NDST3: variants seen among roughly 807,000 people sequenced by gnomAD.
NDST3 encodes the protein N-deacetylase and N-sulfotransferase 3, also known as bifunctional heparan sulfate N-deacetylase/N-sulfotransferase 3.
Under a neutral mutation model 96.1 loss-of-function variants are expected in NDST3, and 58 were observed. That is an observed-to-expected ratio of 0.60 (90% CI 0.49 to 0.75). The LOEUF (loss-of-function observed/expected upper bound fraction) is 0.75, where lower values mean the gene tolerates loss of function less well. Among genes scored for constraint, NDST3 ranks in the 30% least tolerant of loss-of-function variants. NDST3 has a pLI of 0.00. For synonymous variants in NDST3, 333 were observed against 359.7 expected, an observed-to-expected ratio of 0.93 and a Z score of 0.84; for missense variants, 788 against 1,034.2, an observed-to-expected ratio of 0.76 and a Z score of 3.27.
intron 6 of NDST3, among the ~76,000 whole-genome samples, chr4:118,189,860 T>C (rs1376275968): frequency 6.6e-6 from 1 of 152,158 alleles, no homozygotes; most frequent in Admixed American, 6.5e-5. Flanking sequence ...AAGCTAATTG[T>C]AATAAAACTT....
At chr4:118,209,677 A>C (rs992729135) in intron 6 of NDST3, among the ~76,000 whole-genome samples, 1 of 152,212 alleles carries the variant, frequency 6.6e-6, no homozygotes, top group African/African-American at 2.4e-5. Context: ...CTCCAAGCTA[A>C]ATTGCTTTAA....
At chr4:118,176,054 A>C (rs1181499547) in intron 6 of NDST3, among the ~76,000 whole-genome samples, 1 of 152,126 alleles carries the variant, frequency 6.6e-6, no homozygotes, top group Non-Finnish European at 1.5e-5. Context: ...TATTAGCTTT[A>C]GTAAAAAGTT....
At chr4:118,250,554 G>A (rs1017046724) in intron 12 of NDST3, among the ~76,000 whole-genome samples, 3 of 150,826 alleles carry the variant, frequency 2.0e-5, no homozygotes, top group Non-Finnish European at 2.9e-5. Context: ...GCACAAACTC[G>A]GCTCACCGCA....
At chr4:118,165,396 G>C (rs527713552) in intron 6 of NDST3, among the ~76,000 whole-genome samples, 2 of 151,638 alleles carry the variant, frequency 1.3e-5, no homozygotes, top group Admixed American at 1.3e-4. Context: ...AAATATAAAC[G>C]CATGCAAATT....
intron 6 of NDST3, among the ~76,000 whole-genome samples, chr4:118,155,251 T>A (rs559496947): frequency 6.6e-6 from 1 of 152,210 alleles, no homozygotes; most frequent in Non-Finnish European, 1.5e-5. Flanking sequence ...TTTAATATCA[T>A]TTAGTTATAA....
intron 6 of NDST3, among the ~76,000 whole-genome samples, chr4:118,157,701 C>A (rs72909175): frequency 0.16 from 24,417 of 152,054 alleles, 2,097 homozygotes; most frequent in South Asian, 0.23. Context: ...GGATTGCAGG[C>A]ATGAGCCACC....
intron 1 of NDST3, among the ~76,000 whole-genome samples, chr4:118,037,476 C>T (rs1451027835): frequency 6.6e-6 from 1 of 152,172 alleles, no homozygotes; most frequent in African/African-American, 2.4e-5. Flanking sequence ...AGCTGGTATG[C>T]AGTTTGAGTC....
chr4:118,075,355 A>G (rs965468502), intron 2 of NDST3, among the ~76,000 whole-genome samples: 8 of 152,152 alleles, frequency 5.3e-5, no homozygotes, highest in African/African-American at 1.9e-4. Flanking sequence ...GCCACAGTAA[A>G]CATACATGTG....
At position 118,143,668 on chromosome 4, in the gene NDST3, C is replaced by T; in HGVS notation, c.1523C>T (p.Thr508Ile). 2 of 1,601,744 alleles carry T rather than the reference C, an allele frequency of 1.2e-6. No homozygotes were observed. Residue 508 changes from threonine to isoleucine, a missense_variant, in exon 6 of 14, where the codon ACT becomes ATT. Thr to Ile is a moderately conservative substitution (Grantham distance 89). This residue lies in a region of NDST3 where 490 missense variants were observed against 708.8 expected (regional missense o/e 0.69). Transcript: ENST00000296499. ...ATCCAAGGAGGAGAACTTTTCTTCA[C>T]TGTCGTCCTCAACCCTGTAAGTACT... ...KSIQGGELFFTVVLNPISIFM... is the reference protein window; with the variant it reads ...KSIQGGELFFIVVLNPISIFM...
At chr4:118,206,259 C>G (rs1222471075) in intron 6 of NDST3, among the ~76,000 whole-genome samples, 1 of 144,640 alleles carries the variant, frequency 6.9e-6, no homozygotes, top group Non-Finnish European at 1.5e-5. Context: ...AACCAAAATC[C>G]AGTTATTATA....
chr4:118,193,854 C>T (rs1379246000), intron 6 of NDST3: 9 of 1,231,478 alleles, frequency 7.3e-6, no homozygotes, highest in Non-Finnish European at 1.1e-5. Context: ...TTCTGTGTTT[C>T]CTCATTGGAA....
At chr4:118,112,770 GT>G in intron 3 of NDST3, among the ~76,000 whole-genome samples, 1 of 152,220 alleles carries the variant, frequency 6.6e-6, no homozygotes, top group African/African-American at 2.4e-5. Context: ...GATCATCAGA[GT>G]TTCTAAACCC....
rs114695946 is a variant in NDST3, at chr4:118,164,679, A to G, written c.1539+20995A>G. Among the ~76,000 whole-genome samples the G allele has an allele frequency of 6.6e-3, 1,007 of 152,274 alleles. 8 individuals are homozygous for G. Among genetic ancestry groups the G allele is most frequent in the African/African-American group, 0.023 (965 of 41,558 alleles). ...TAAAGGTAAATATACAGAAAAATAG[A>G]TAATACTGTAATATTTTAGTGGCTG... On this transcript the variant is annotated intron_variant, in intron 6 of 13. Coordinates refer to ENST00000296499, the MANE Select transcript of NDST3 (RefSeq NM_004784.3).
At chr4:118,085,247 T>A (rs552510830) in intron 2 of NDST3, among the ~76,000 whole-genome samples, 5 of 152,218 alleles carry the variant, frequency 3.3e-5, no homozygotes, top group African/African-American at 1.2e-4. Flanking sequence ...GCAGACCATA[T>A]CAAAAGTCTT....
intron 2 of NDST3, among the ~76,000 whole-genome samples, chr4:118,064,294 A>G (rs1317457081): frequency 1.3e-5 from 2 of 152,180 alleles, no homozygotes; most frequent in Admixed American, 1.3e-4. Flanking sequence ...AGAAAAAGTC[A>G]AGGAAATTCT....
chr4:118,077,899 G>A (rs1399695523), intron 2 of NDST3, among the ~76,000 whole-genome samples: 3 of 152,206 alleles, frequency 2.0e-5, no homozygotes, highest in East Asian at 1.9e-4. Context: ...GGCCCACCTG[G>A]CTACCAGTGG....
chr4:118,224,700 A>G lies in NDST3; in HGVS notation c.1722+27A>G, dbSNP rs372953335. Reference sequence around the variant, plus strand: ...TAAAATTAATTAAATAATTGATATAACCAGTTAATTCCAGGAACATAATTC... The same window carrying G: ...TAAAATTAATTAAATAATTGATATAGCCAGTTAATTCCAGGAACATAATTC... On this transcript the variant is annotated intron_variant, in intron 7 of 13. Transcript: ENST00000296499. The G allele has an allele frequency of 2.3e-4, 344 of 1,521,196 alleles. No homozygotes were observed. The Middle Eastern group carries it at 5.9e-3, about 26-fold the overall frequency. The allele number at this position is 1,521,196 out of a possible 1,614,324, so 94.2% of individuals were successfully genotyped here.
Position 118,078,051 on chromosome 4 carries a change from G to A in NDST3, c.981+23160G>A, listed in dbSNP as rs148101191. Among the ~76,000 whole-genome samples the A allele has an allele frequency of 5.3e-5, 8 of 152,292 alleles. No homozygotes were observed. In the East Asian group the frequency reaches 5.8e-4, roughly 11 times the overall value. ...AGTTTAGAAGTGTGGGGGATGGAGC[G>A]GGCATGGAGGAGAGCCAGGGGATTT... On this transcript the variant is annotated intron_variant, in intron 2 of 13. Transcript: ENST00000296499.
intron 3 of NDST3, 76 bp downstream of exon 3, chr4:118,105,181 C>A: frequency 1.9e-6 from 2 of 1,049,820 alleles, no homozygotes; most frequent in Non-Finnish European, 2.9e-6. Flanking sequence ...TTTTCCTGCC[C>A]ACACTGTCCT....
Sources: allele counts gnomAD v4.1 joint callset (sites outside exome capture counted in the v4.1 genomes callset), GRCh38; gene constraint gnomAD v4.1.1; regional missense constraint gnomAD v4.1.1; transcripts MANE v1.5; gene names NCBI Gene and HGNC (gene_info 2026-07-23, HGNC 2026-07-21).